EPB41L4A: variants seen among roughly 807,000 people sequenced by gnomAD.
EPB41L4A encodes the protein band 4.1-like protein 4A.
In EPB41L4A, 100 loss-of-function variants were observed where a neutral mutation model predicts 108.6. That is an observed-to-expected ratio of 0.92 (90% CI 0.78 to 1.09). The LOEUF (loss-of-function observed/expected upper bound fraction) is 1.09. EPB41L4A is among the 50% of genes least tolerant of loss of function. EPB41L4A has a pLI of 0.00. For synonymous variants in EPB41L4A, 319 were observed against 289.0 expected (o/e 1.10, Z -1.05); for missense variants, 1,030 against 842.7 (o/e 1.22, Z -2.75).
intron 1 of EPB41L4A, among the ~76,000 whole-genome samples, chr5:112,360,959 G>C (rs190775441): frequency 2.0e-5 from 3 of 151,780 alleles, no homozygotes; most frequent in South Asian, 2.1e-4. Flanking sequence ...GTCTCTGACC[G>C]GCCGCCCCGT....
intron 1 of EPB41L4A, among the ~76,000 whole-genome samples, chr5:112,388,687 C>T (rs777688220): frequency 3.4e-4 from 51 of 152,208 alleles, no homozygotes; most frequent in Non-Finnish European, 2.9e-4. Context: ...TCTCAAAGAT[C>T]TGGTCCAGGC....
intron 1 of EPB41L4A, among the ~76,000 whole-genome samples, chr5:112,367,852 G>GCTGAACAAACTGAACTCAGTACCTGA: frequency 6.7e-6 from 1 of 150,064 alleles, no homozygotes; most frequent in Non-Finnish European, 1.5e-5. Flanking sequence ...TCAGTACCCG[G>GCTGAACAAACTGAACTCAGTACCTGA]CTGAACAAAC....
chr5:112,344,154 A>T (rs1580724941), intron 1 of EPB41L4A, among the ~76,000 whole-genome samples: 1 of 148,980 alleles, frequency 6.7e-6, no homozygotes, highest in Non-Finnish European at 1.5e-5. Flanking sequence ...TTTAAAAAAT[A>T]AAAAAAAGGC....
chr5:112,357,207 T>G (rs1032639124), intron 1 of EPB41L4A, among the ~76,000 whole-genome samples: 1 of 152,182 alleles, frequency 6.6e-6, no homozygotes, highest in Non-Finnish European at 1.5e-5. Flanking sequence ...CTGGAAATAA[T>G]AATTGTCATT....
At chr5:112,303,302 G>A (rs1373810472) in intron 2 of EPB41L4A, among the ~76,000 whole-genome samples, 1 of 152,180 alleles carries the variant, frequency 6.6e-6, no homozygotes, top group Non-Finnish European at 1.5e-5. Context: ...GAGCTCAATG[G>A]ATGAGGATTT....
At chr5:112,364,341 C>CA (rs1324544092) in intron 1 of EPB41L4A, among the ~76,000 whole-genome samples, 37 of 152,268 alleles carry the variant, frequency 2.4e-4, no homozygotes, top group African/African-American at 8.4e-4. Context: ...TATTTTCATG[C>CA]AAATATTTGT....
At chr5:112,285,711 C>G (rs1385684237) in intron 2 of EPB41L4A, among the ~76,000 whole-genome samples, 1 of 152,192 alleles carries the variant, frequency 6.6e-6, no homozygotes, top group Non-Finnish European at 1.5e-5. Flanking sequence ...TAAAGTGTCA[C>G]TGGCCCTGGG....
chr5:112,143,813 G>A (rs574601027), exon 14 of EPB41L4A: 1 of 451,080 alleles, frequency 2.2e-6, no homozygotes, highest in East Asian at 7.0e-5. Context: ...AGCCAAGGAG[G>A]TGGGGCTCTC....
rs531580296 is a variant in EPB41L4A, at chr5:112,227,439, A to G, written c.1087+7195T>C. ...GGAAACTAAAGTGTACCAAGCCTCT[A>G]CAAGTTCTGACAAGATACTCAGCCC... On this transcript the variant is annotated intron_variant, in intron 12 of 22. Transcript: ENST00000261486. 1.8e-4 allele frequency among the ~76,000 whole-genome samples: 28 copies of G among 152,332 alleles called. 1 individual carries two copies. The South Asian group carries it at 2.1e-3, about 11-fold the overall frequency.
chr5:112,313,187 A>G lies in EPB41L4A; in HGVS notation c.100-5697T>C, dbSNP rs1755159447. On this transcript the variant is annotated intron_variant, in intron 1 of 22. Coordinates refer to ENST00000261486, the MANE Select transcript of EPB41L4A (RefSeq NM_022140.5). Reference sequence around the variant, plus strand: ...GATGCGGGAAGTCTTTGACCAGCCTATTAGAATCCCTGAGAAGCCCTAGGG... The same window carrying G: ...GATGCGGGAAGTCTTTGACCAGCCTGTTAGAATCCCTGAGAAGCCCTAGGG... 2.0e-5 allele frequency among the ~76,000 whole-genome samples: 3 copies of G among 152,338 alleles called. 1 individual carries two copies. The highest frequency in any genetic ancestry group is 7.2e-5 in the African/African-American group (3 of 41,580).
At chr5:112,342,886 C>A (rs1268473181) in intron 1 of EPB41L4A, among the ~76,000 whole-genome samples, 1 of 152,200 alleles carries the variant, frequency 6.6e-6, no homozygotes, top group Admixed American at 6.5e-5. Flanking sequence ...AATCTTGTCA[C>A]CATAAACAAA....
chr5:112,189,064 T>G (rs1279192968), intron 17 of EPB41L4A, among the ~76,000 whole-genome samples: 1 of 152,252 alleles, frequency 6.6e-6, no homozygotes, highest in Non-Finnish European at 1.5e-5. Flanking sequence ...ATTTAGATAC[T>G]GTAGACATCT....
chr5:112,265,399 AC>A (rs1185162494), intron 5 of EPB41L4A, among the ~76,000 whole-genome samples: 1 of 152,254 alleles, frequency 6.6e-6, no homozygotes, highest in East Asian at 1.9e-4. Flanking sequence ...ACACCAAGAA[AC>A]AGTGCATGTG....
At chr5:112,313,343 G>C (rs1196881289) in intron 1 of EPB41L4A, among the ~76,000 whole-genome samples, 1 of 152,194 alleles carries the variant, frequency 6.6e-6, no homozygotes, top group Non-Finnish European at 1.5e-5. Context: ...TGTAATCCCA[G>C]CACTTTGGGA....
intron 22 of EPB41L4A, among the ~76,000 whole-genome samples, chr5:112,168,517 C>T (rs1760380387): frequency 6.6e-6 from 1 of 152,188 alleles, no homozygotes; most frequent in African/African-American, 2.4e-5. Flanking sequence ...TGCCCCACTA[C>T]CTCTACCTGT....
chr5:112,168,755 T>A lies in EPB41L4A; in HGVS notation c.1916A>T (p.Asp639Val), dbSNP rs1760398398. ...TRSSDAQGSG[D>V]ATVHQRRNGS... ...ATTACTAACCTGATGAACTGTAGCA[T>A]CCCCAGAACCCTGAGCATCCGAAGA... Residue 639 changes from aspartate to valine, a missense_variant, in exon 22 of 23, where the codon GAT (aspartate) becomes GTT (valine). By Grantham distance (152) the Asp-to-Val change is radical (BLOSUM62 -3). Transcript: ENST00000261486. 6.2e-7 allele frequency: 1 copy of A among 1,613,704 alleles called. No individual in the cohort carries two copies. The highest frequency in any genetic ancestry group is 8.5e-7 in the Non-Finnish European group (1 of 1,179,632).
chr5:112,337,479 C>T (rs1177460366), intron 1 of EPB41L4A, among the ~76,000 whole-genome samples: 1 of 152,144 alleles, frequency 6.6e-6, no homozygotes, highest in Non-Finnish European at 1.5e-5. Flanking sequence ...GAACTGTTTC[C>T]ATGCAGTATC....
chr5:112,286,974 G>A (rs188933454), intron 2 of EPB41L4A, among the ~76,000 whole-genome samples: 4 of 151,844 alleles, frequency 2.6e-5, no homozygotes, highest in African/African-American at 9.7e-5. Flanking sequence ...CTTGAAATAC[G>A]TCACACGCTT....
At chr5:112,240,872 A>G in intron 9 of EPB41L4A, 62 bp from the exon 10 acceptor site, 1 of 968,328 alleles carries the variant, frequency 1.0e-6, no homozygotes, top group East Asian at 2.6e-5. Flanking sequence ...GCATTCTTCA[A>G]ATAACAGCCC....
Sources: gnomAD v4.1 joint callset for allele counts (sites outside exome capture counted in the v4.1 genomes callset) on GRCh38, gnomAD v4.1.1 for gene constraint, MANE v1.5 for transcripts, NCBI Gene and HGNC (gene_info 2026-07-23, HGNC 2026-07-21) for gene names.